MERTK: variants seen among roughly 807,000 people sequenced by gnomAD.
MERTK encodes the protein MER proto-oncogene, tyrosine kinase, also known as tyrosine-protein kinase Mer.
A neutral mutation model predicts 99.3 loss-of-function variants in MERTK; 69 were observed. The observed-to-expected ratio is 0.70, with a 90% CI of 0.57 to 0.85. MERTK has a LOEUF of 0.85. Among genes scored for constraint, MERTK ranks in the 40% least tolerant of loss-of-function variants. The probability of loss-of-function intolerance (pLI) is 0.00; values close to 1 mark genes in which losing one functional copy is unlikely to be tolerated. For missense variants in MERTK, 1,125 were observed against 1,249.4 expected, an observed-to-expected ratio of 0.90 and a Z score of 1.50; for synonymous variants, 426 against 467.6, an observed-to-expected ratio of 0.91 and a Z score of 1.15.
At chr2:111,983,957 C>T (rs1040761839) in intron 8 of MERTK, among the ~76,000 whole-genome samples, 1 of 152,174 alleles carries the variant, frequency 6.6e-6, no homozygotes, top group Admixed American at 6.5e-5. Context: ...TTTAGAGAAA[C>T]AGCTAATTGA....
At position 112,008,389 on chromosome 2, in the gene MERTK, A is replaced by C. The variant is rs755221937; in HGVS notation, c.1874A>C (p.Asn625Thr). ...KVAVKTMKLDNSSQREIEEFL... is the reference protein window; with the variant it reads ...KVAVKTMKLDTSSQREIEEFL... ...TTTCTATTTTCTCCTCTAGTGGACA[A>C]CTCTTCACAGCGGGAGATCGAGGAG... The change falls in exon 14 of 19, where the codon AAC (asparagine) becomes ACC (threonine). Residue 625 changes from asparagine (N) to threonine (T), a missense_variant. Physicochemically the swap from Asn to Thr is moderately conservative, Grantham distance 65 (BLOSUM62 0). Coordinates refer to ENST00000295408, the MANE Select transcript of MERTK (RefSeq NM_006343.3). 14 of 1,613,190 alleles carry C rather than the reference A, an allele frequency of 8.7e-6. No individual in the cohort carries two copies. The highest frequency in any genetic ancestry group is 1.2e-5 in the Non-Finnish European group (14 of 1,179,308).
At chr2:111,934,389 T>A (rs946939413) in intron 2 of MERTK, among the ~76,000 whole-genome samples, 3 of 152,202 alleles carry the variant, frequency 2.0e-5, no homozygotes, top group Non-Finnish European at 4.4e-5. Context: ...CATCTGTTGC[T>A]TCCTGACTTT....
intron 18 of MERTK, among the ~76,000 whole-genome samples, chr2:112,022,912 C>A (rs1014773624): frequency 6.6e-6 from 1 of 152,132 alleles, no homozygotes; most frequent in Non-Finnish European, 1.5e-5. Context: ...TGTAACAATA[C>A]GATTCCTCGG....
chr2:111,929,111 G>A lies in MERTK; in HGVS notation c.62-9G>A. ...TAAAAGGCTAAAATTTGGATGTTCTGTTTTACAGCTATCACTGAGGCAAGG... is the reference window on the plus strand; with the variant it reads ...TAAAAGGCTAAAATTTGGATGTTCTATTTTACAGCTATCACTGAGGCAAGG... On this transcript the variant is annotated splice_polypyrimidine_tract_variant and intron_variant, in intron 1 of 18. Coordinates refer to ENST00000295408, the MANE Select transcript of MERTK (RefSeq NM_006343.3). 6.2e-7 allele frequency: 1 copy of A among 1,614,162 alleles called. No individual in the cohort carries two copies. The highest frequency in any genetic ancestry group is 8.5e-7 in the Non-Finnish European group (1 of 1,180,034).
chr2:111,977,840 C>A (rs1454299380), intron 7 of MERTK, among the ~76,000 whole-genome samples: 1 of 152,032 alleles, frequency 6.6e-6, no homozygotes, highest in Non-Finnish European at 1.5e-5. Context: ...TGACATTAGT[C>A]CTATCCAGTT....
At position 111,948,747 on chromosome 2, in the gene MERTK, C is replaced by T. The variant is rs1031214924; in HGVS notation, c.757+1180C>T. Among the ~76,000 whole-genome samples, 5 of 152,244 alleles carry T rather than the reference C, an allele frequency of 3.3e-5. 1 individual carries two copies. Among genetic ancestry groups the T allele is most frequent in the African/African-American group, 9.6e-5 (4 of 41,534 alleles). ...CCGTGTCACTGCCAGCTCTTGCTGTCGCCTCTGCAGTAGCTTCCTAACTGG... is the reference window on the plus strand; with the variant it reads ...CCGTGTCACTGCCAGCTCTTGCTGTTGCCTCTGCAGTAGCTTCCTAACTGG... On this transcript the variant is annotated intron_variant, in intron 4 of 18. Coordinates refer to ENST00000295408, the MANE Select transcript of MERTK (RefSeq NM_006343.3).
At chr2:111,940,665 G>A (rs572757473) in intron 2 of MERTK, 113 of 711,524 alleles carry the variant, frequency 1.6e-4, no homozygotes, top group Non-Finnish European at 2.6e-4. Context: ...GATTATTTAC[G>A]TCCAAATTTA....
At chr2:111,983,050 A>G in intron 8 of MERTK, 57 bp downstream of exon 8, 1 of 1,606,906 alleles carries the variant, frequency 6.2e-7, no homozygotes, top group South Asian at 1.1e-5. Flanking sequence ...TTGCTGGTTT[A>G]CTTCAGTTTT....
intron 1 of MERTK, among the ~76,000 whole-genome samples, chr2:111,904,958 G>A (rs371849373): frequency 2.6e-5 from 4 of 152,302 alleles, no homozygotes; most frequent in Admixed American, 1.3e-4. Context: ...ACCCGTGACC[G>A]GAGTTAAACC....
At chr2:111,983,820 G>T (rs1676419989) in intron 8 of MERTK, among the ~76,000 whole-genome samples, 1 of 152,232 alleles carries the variant, frequency 6.6e-6, no homozygotes, top group African/African-American at 2.4e-5. Context: ...GCTCGGGGTT[G>T]GGGATGGTTA....
chr2:112,019,763 TCTCA>T (rs1335073765), intron 16 of MERTK, among the ~76,000 whole-genome samples: 55 of 152,274 alleles, frequency 3.6e-4, no homozygotes, highest in Admixed American at 3.6e-3. Flanking sequence ...ACCTTCACTC[TCTCA>T]CTCGGTAGGA....
intron 13 of MERTK, among the ~76,000 whole-genome samples, chr2:112,007,018 A>ATTTG (rs71705068): frequency 0.58 from 87,726 of 151,610 alleles, 25,864 homozygotes; most frequent in Middle Eastern, 0.68. Flanking sequence ...CAGACTTTTT[A>ATTTG]TTTGTTTTTA....
rs1317547973 is a variant in MERTK, at chr2:112,004,100, G to A, written c.1867+116G>A. 8.2e-6 allele frequency: 7 copies of A among 850,052 alleles called. No homozygotes were observed. In the East Asian group the frequency reaches 1.3e-4, roughly 15 times the overall value. 52.7% of individuals were successfully genotyped at this position (850,052 alleles called of 1,614,324 possible). ...TCCCAGTGGGCCAGAAGGCAATGTG[G>A]AACACTGGTCACCAAGGGGGACTTA... On this transcript the variant is annotated intron_variant, in intron 13 of 18. Coordinates refer to ENST00000295408, the MANE Select transcript of MERTK (RefSeq NM_006343.3).
chr2:112,028,633 A>G lies in MERTK; in HGVS notation c.2769A>G (p.Lys923=), dbSNP rs148056914. 1.1e-4 allele frequency: 175 copies of G among 1,614,048 alleles called. 1 individual carries two copies. In the African/African-American group the frequency reaches 1.9e-3, roughly 17 times the overall value. Residue 923 remains lysine, a synonymous_variant, in exon 19 of 19, where the codon AAA becomes AAG. Coordinates refer to ENST00000295408, the MANE Select transcript of MERTK (RefSeq NM_006343.3). ...SVVTAEVHDS[K]PHEGRYILNG... ...TCACAGCAGAAGTTCATGACAGCAA[A>G]CCTCATGAAGGACGGTACATCCTGA...
chr2:111,955,539 A>G (rs11674891), intron 4 of MERTK, among the ~76,000 whole-genome samples: 35,497 of 151,950 alleles, frequency 0.23, 4,374 homozygotes, highest in Middle Eastern at 0.36. Flanking sequence ...GCATAAACCT[A>G]TACACTCATT....
In MERTK at chr2:112,008,409, G is replaced by A. The variant is rs376129675; in HGVS notation, c.1894G>A (p.Glu632Lys). ...GGACAACTCTTCACAGCGGGAGATC[G>A]AGGAGTTTCTCAGTGAGGCAGCGTG... ...KLDNSSQREI[E>K]EFLSEAACMK... Residue 632 changes from glutamate (E) to lysine (K), a missense_variant, in exon 14 of 19, where the codon GAG becomes AAG. Glu to Lys is a moderately conservative substitution (Grantham distance 56). Transcript: ENST00000295408. The A allele has an allele frequency of 5.9e-5, 95 of 1,613,834 alleles. No individual in the cohort carries two copies. The highest frequency in any genetic ancestry group is 5.2e-4 in the Admixed American group (31 of 59,990).
In MERTK at chr2:111,898,790, C is replaced by G. The variant is rs1683974613; in HGVS notation, c.55C>G (p.Arg19Gly). The change falls in exon 1 of 19, where the codon CGT becomes GGT. Residue 19 changes from arginine (R) to glycine (G), a missense_variant. Physicochemically the swap from Arg to Gly is moderately radical, Grantham distance 125 (BLOSUM62 -2). Coordinates refer to ENST00000295408, the MANE Select transcript of MERTK (RefSeq NM_006343.3). Reference protein sequence around the residue: ...LLGLFLPALWRRAITEAREEA... With the variant: ...LLGLFLPALWGRAITEAREEA... ...GGGCCTCTTCCTCCCCGCGCTCTGG[C>G]GTAGAGGTGAGTGCGCCCGGCTGGG... 1 of 1,595,080 alleles carries G rather than the reference C, an allele frequency of 6.3e-7. No homozygotes were observed. Among genetic ancestry groups the G allele is most frequent in the Non-Finnish European group, 8.5e-7 (1 of 1,171,692 alleles).
At chr2:111,958,762 T>G (rs971672925) in intron 4 of MERTK, among the ~76,000 whole-genome samples, 3 of 152,180 alleles carry the variant, frequency 2.0e-5, no homozygotes, top group Non-Finnish European at 4.4e-5. Context: ...TCAGCATTAA[T>G]AAACCTGTTA....
intron 2 of MERTK, among the ~76,000 whole-genome samples, chr2:111,932,945 T>C (rs1684700564): frequency 6.6e-6 from 1 of 152,078 alleles, no homozygotes; most frequent in African/African-American, 2.4e-5. Flanking sequence ...GTGTTTTTGG[T>C]TGGAGATGTT....
Sources: allele counts gnomAD v4.1 joint callset (sites outside exome capture counted in the v4.1 genomes callset), GRCh38; gene constraint gnomAD v4.1.1; transcripts MANE v1.5; gene names NCBI Gene and HGNC (gene_info 2026-07-23, HGNC 2026-07-21).